LCT: variants seen among roughly 807,000 people sequenced by gnomAD.
LCT encodes the protein lactase/phlorizin hydrolase.
In LCT, 90 loss-of-function variants were observed where a neutral mutation model predicts 173.0. The observed-to-expected ratio is 0.52, with a 90% CI of 0.44 to 0.62. The LOEUF (loss-of-function observed/expected upper bound fraction) is 0.62, where lower values mean the gene tolerates loss of function less well. Among genes scored for constraint, LCT ranks in the 20% least tolerant of loss-of-function variants. The pLI, the probability that LCT is intolerant of heterozygous loss-of-function variation, is 0.00. For synonymous variants in LCT, 853 were observed against 957.6 expected, an observed-to-expected ratio of 0.89 and a Z score of 2.02; for missense variants, 1,864 against 2,431.4, an observed-to-expected ratio of 0.77 and a Z score of 4.91.
rs1300072757 is a variant in LCT at position 135,812,896 on chromosome 2, G to A, written c.1768C>T (p.Arg590Cys). ...CCCACGTGCCCCTGCTGCTGTGGGC[G>A]ATGATGGCTGTTGTAGTGGTGCCAA... Reference protein sequence around the residue: ...RTWHHYNSHHRPQQQGHVGIV... With the variant: ...RTWHHYNSHHCPQQQGHVGIV... The change falls in exon 7 of 17, where the codon CGC becomes TGC. Residue 590 changes from arginine (R) to cysteine (C), a missense_variant. Around this residue, in one of 4 missense-constraint regions of LCT, gnomAD observed 183 missense variants for 293.1 expected, o/e 0.62. Transcript: ENST00000264162. 9 of 1,614,188 alleles carry A rather than the reference G, an allele frequency of 5.6e-6. No homozygotes were observed. Among genetic ancestry groups the A allele is most frequent in the East Asian group, 2.2e-5 (1 of 44,888 alleles).
In LCT at chr2:135,817,842, G is replaced by C; in HGVS notation, c.1206C>G (p.Ala402=). ...TGAFNVEGGW[A]EGGRGVSIWD... is the part of the protein sequence containing the mutation. ...AGATGCTCACCCCTCTCCCACCCTC[G>C]GCCCAGCCTCCTTCCACGTTAAAGG... Residue 402 remains alanine, a synonymous_variant, in exon 6 of 17, where the codon GCC becomes GCG. Coordinates refer to ENST00000264162, the MANE Select transcript of LCT (RefSeq NM_002299.4). The C allele has an allele frequency of 2.5e-6, 4 of 1,613,994 alleles. No individual in the cohort carries two copies. Among genetic ancestry groups the C allele is most frequent in the Non-Finnish European group, 3.4e-6 (4 of 1,180,006 alleles).
intron 2 of LCT, among the ~76,000 whole-genome samples, chr2:135,831,592 C>T (rs1470452479): frequency 6.6e-6 from 1 of 152,204 alleles, no homozygotes; most frequent in African/African-American, 2.4e-5. Flanking sequence ...CTTTGGTCTC[C>T]TGCGTTCATA....
At chr2:135,799,946 C>A (rs1361794351) in intron 12 of LCT, among the ~76,000 whole-genome samples, 1 of 152,184 alleles carries the variant, frequency 6.6e-6, no homozygotes, top group African/African-American at 2.4e-5. Flanking sequence ...CACTGCAGCC[C>A]AGCTCTGTTA....
chr2:135,837,056 G>A lies in LCT; in HGVS notation c.114C>T (p.Asp38=), dbSNP rs1437039525. 6.2e-7 allele frequency: 1 copy of A among 1,614,018 alleles called. No individual in the cohort carries two copies. Among genetic ancestry groups the A allele is most frequent in the Non-Finnish European group, 8.5e-7 (1 of 1,180,044 alleles). ...GGAGACCACTCAGGTTGTGCAGCAA[G>A]TCATTGGTTAGAGGACCAGCGGTGG... The part of the protein sequence containing the change: ...FISTAGPLTN[D]LLHNLSGLLG... Residue 38 remains aspartate, a synonymous_variant, in exon 1 of 17, where the codon GAC becomes GAT. Coordinates refer to ENST00000264162, the MANE Select transcript of LCT (RefSeq NM_002299.4).
chr2:135,832,090 C>G (rs2077945826), intron 2 of LCT, among the ~76,000 whole-genome samples: 1 of 151,942 alleles, frequency 6.6e-6, no homozygotes, highest in Admixed American at 6.6e-5. Flanking sequence ...GTGGTGCACA[C>G]CTGTAATCCC....
At chr2:135,823,727 C>G (rs1174797354) in intron 4 of LCT, among the ~76,000 whole-genome samples, 174 bp downstream of exon 4, 1 of 152,160 alleles carries the variant, frequency 6.6e-6, no homozygotes, top group Non-Finnish European at 1.5e-5. Flanking sequence ...GGGATGGTTG[C>G]AAGGGACCAT....
At chr2:135,793,020 G>A (rs1024342744) in intron 14 of LCT, among the ~76,000 whole-genome samples, 8 of 152,082 alleles carry the variant, frequency 5.3e-5, no homozygotes, top group Admixed American at 1.3e-4. Context: ...ACCAACTCAC[G>A]CCATTATAGC....
rs2077525063 is a variant in LCT at position 135,790,559 on chromosome 2, T to C, written c.5335+99A>G. 6.4e-6 allele frequency: 5 copies of C among 787,334 alleles called. No individual in the cohort carries two copies. The highest frequency in any genetic ancestry group is 6.3e-5 in the South Asian group (4 of 63,978). 48.8% of individuals were successfully genotyped at this position (787,334 alleles called of 1,614,324 possible). A position where few individuals can be genotyped will look rare whatever the true frequency, so the allele number is the denominator to read the frequency against. On this transcript the variant is annotated intron_variant, in intron 15 of 16. Transcript: ENST00000264162. This position sits in a 1 kb window ranked among gnomAD's most constrained non-coding sequence, Gnocchi z 4.1. ...AGGAGCAAGAAGGCTTATCGTTCTC[T>C]TCTTACTGTGGCCCAAGGACGCTGT...
In LCT at chr2:135,817,987, G is replaced by A. The variant is rs1392875153; in HGVS notation, c.1061C>T (p.Ser354Phe). ...QQQDHETTDSSPASAYQRIWE... is the reference protein window; with the variant it reads ...QQQDHETTDSFPASAYQRIWE... ...GATTCTCTGATAGGCAGAGGCAGGA[G>A]AGGAGTCCGTGGTCTCGTGGTCCTG... Residue 354 changes from serine to phenylalanine, a missense_variant, in exon 6 of 17, where the codon TCT becomes TTT. Ser to Phe is a radical substitution (Grantham distance 155, BLOSUM62 -2). This residue lies in a region of LCT where 412 missense variants were observed against 462.0 expected (regional missense o/e 0.89). Coordinates refer to ENST00000264162, the MANE Select transcript of LCT (RefSeq NM_002299.4). 3 of 1,613,492 alleles carry A rather than the reference G, an allele frequency of 1.9e-6. No individual in the cohort carries two copies. In the African/African-American group the frequency reaches 4.0e-5, roughly 22 times the overall value.
intron 8 of LCT, among the ~76,000 whole-genome samples, chr2:135,807,822 A>T (rs1472770721): frequency 6.6e-6 from 1 of 151,732 alleles, no homozygotes; most frequent in Non-Finnish European, 1.5e-5. Flanking sequence ...AAAAAAAATC[A>T]ATGAAACAAA....
At position 135,798,632 on chromosome 2, in the gene LCT, CA is replaced by C. The variant is rs2077601261; in HGVS notation, c.4867-495del. On this transcript the variant is annotated intron_variant, in intron 12 of 16. Coordinates refer to ENST00000264162, the MANE Select transcript of LCT (RefSeq NM_002299.4). ...CAAAGTATAACTCTTAATGGGCTTT[CA>C]CAGCCCCAGAGTGGGGAACCGTTTG... Among the ~76,000 whole-genome samples the C allele has an allele frequency of 3.3e-5, 5 of 152,364 alleles. No homozygotes were observed. The South Asian group carries it at 1.0e-3, about 32-fold the overall frequency.
In LCT at chr2:135,804,762, C is replaced by T. The variant is rs2077655126; in HGVS notation, c.4464+5G>A. The T allele has an allele frequency of 6.2e-7, 1 of 1,612,360 alleles. No individual in the cohort carries two copies. The highest frequency in any genetic ancestry group is 8.5e-7 in the Non-Finnish European group (1 of 1,180,034). Reference sequence around the variant, plus strand: ...TTCCCAAGGCCTTGCCAGGACCCACCATACCTGGGGCTGGATGCTGGCGGC... The same window carrying T: ...TTCCCAAGGCCTTGCCAGGACCCACTATACCTGGGGCTGGATGCTGGCGGC... On this transcript the variant is annotated splice_donor_5th_base_variant and intron_variant, in intron 10 of 16. Transcript: ENST00000264162.
chr2:135,815,860 T>C (rs1028562953), intron 6 of LCT, among the ~76,000 whole-genome samples: 3 of 151,852 alleles, frequency 2.0e-5, no homozygotes, highest in African/African-American at 7.3e-5. Flanking sequence ...CCAACATATC[T>C]GGCTAATTTT....
chr2:135,808,370 G>C, intron 8 of LCT, 73 bp downstream of exon 8: 2 of 1,193,804 alleles, frequency 1.7e-6, no homozygotes, highest in Non-Finnish European at 2.5e-6. Context: ...AAATCATCCC[G>C]GCAAAACATT....
chr2:135,814,257 G>A (rs886419506), intron 6 of LCT, among the ~76,000 whole-genome samples: 3 of 152,100 alleles, frequency 2.0e-5, no homozygotes, highest in Admixed American at 2.0e-4. Flanking sequence ...GTCTTTAGTT[G>A]AGTTCTAAAC....
intron 9 of LCT, among the ~76,000 whole-genome samples, chr2:135,806,487 C>G (rs1457753253): frequency 1.3e-5 from 2 of 152,212 alleles, no homozygotes; most frequent in Non-Finnish European, 2.9e-5. Flanking sequence ...CCTTCCCATT[C>G]ACTCACCCCT....
chr2:135,828,965 C>T (rs1447530215), intron 3 of LCT, among the ~76,000 whole-genome samples: 5 of 152,074 alleles, frequency 3.3e-5, no homozygotes, highest in African/African-American at 4.8e-5. Context: ...CCAAGGTGGG[C>T]GGATCACTTT....
At chr2:135,812,083 T>C (rs2077738642) in intron 7 of LCT, among the ~76,000 whole-genome samples, 1 of 151,956 alleles carries the variant, frequency 6.6e-6, no homozygotes. Flanking sequence ...AGACCCTGTC[T>C]CAAAAACAAA....
intron 6 of LCT, among the ~76,000 whole-genome samples, chr2:135,815,816 C>T (rs916575156): frequency 1.3e-5 from 2 of 152,144 alleles, no homozygotes; most frequent in Non-Finnish European, 2.9e-5. Flanking sequence ...TCTCTTGCCT[C>T]AGCCTCCCAA....
Sources: allele counts gnomAD v4.1 joint callset (sites outside exome capture counted in the v4.1 genomes callset), GRCh38; gene constraint gnomAD v4.1.1; regional missense constraint gnomAD v4.1.1; non-coding constraint Gnocchi (gnomAD v3.1); transcripts MANE v1.5; gene names NCBI Gene and HGNC (gene_info 2026-07-23, HGNC 2026-07-21).